Variants in EXOC4 observed in about 807,000 individuals in gnomAD.
EXOC4 encodes SEC8-like 1.
Under a neutral mutation model 107.2 loss-of-function variants are expected in EXOC4, and 71 were observed. The observed-to-expected ratio is 0.66, with a 90% CI of 0.55 to 0.81. The LOEUF is 0.81. Ranked by LOEUF, EXOC4 falls within the 30% of genes least tolerant of loss-of-function variation. The pLI, the probability that EXOC4 is intolerant of heterozygous loss-of-function variation, is 0.00. For synonymous variants in EXOC4, 456 were observed against 441.2 expected (o/e 1.03, Z -0.42); for missense variants, 1,108 against 1,189.6 (o/e 0.93, Z 1.01).
intron 7 of EXOC4, among the ~76,000 whole-genome samples, chr7:133,449,873 T>A (rs888047520): frequency 3.3e-5 from 5 of 152,160 alleles, no homozygotes; most frequent in Non-Finnish European, 5.9e-5. Flanking sequence ...CCATCTATAT[T>A]TGGGAGTATT....
At chr7:133,349,193 A>G (rs576183419) in intron 5 of EXOC4, among the ~76,000 whole-genome samples, 4 of 152,124 alleles carry the variant, frequency 2.6e-5, no homozygotes, top group African/African-American at 4.8e-5. Flanking sequence ...CCATTTTGGA[A>G]TGTACAGTCC....
chr7:133,439,117 G>A (rs981579173), intron 7 of EXOC4, among the ~76,000 whole-genome samples: 3 of 149,648 alleles, frequency 2.0e-5, no homozygotes, highest in Non-Finnish European at 3.0e-5. Flanking sequence ...TTTGAACCTC[G>A]GTTTTGGTTT....
chr7:133,497,572 A>C (rs1235366151), intron 9 of EXOC4, among the ~76,000 whole-genome samples: 1 of 152,066 alleles, frequency 6.6e-6, no homozygotes, highest in Non-Finnish European at 1.5e-5. Flanking sequence ...CTGGGACTGC[A>C]GGTGCCTGCC....
intron 9 of EXOC4, among the ~76,000 whole-genome samples, chr7:133,605,773 C>T (rs776748375): frequency 6.6e-6 from 1 of 152,034 alleles, no homozygotes; most frequent in Non-Finnish European, 1.5e-5. Flanking sequence ...GTTGAGGAGT[C>T]ATTAGCATAT....
At chr7:133,699,175 T>C (rs1794602512) in intron 10 of EXOC4, among the ~76,000 whole-genome samples, 1 of 151,996 alleles carries the variant, frequency 6.6e-6, no homozygotes, top group Non-Finnish European at 1.5e-5. Context: ...CTCTTCTCTC[T>C]GTTTGGAATT....
chr7:133,519,329 G>A (rs1245731820), intron 9 of EXOC4, among the ~76,000 whole-genome samples: 1 of 151,992 alleles, frequency 6.6e-6, no homozygotes, highest in African/African-American at 2.4e-5. Flanking sequence ...TGGCTGAGGT[G>A]GGATAATCGC....
chr7:133,492,133 G>A (rs1799383792), intron 9 of EXOC4, among the ~76,000 whole-genome samples: 1 of 152,168 alleles, frequency 6.6e-6, no homozygotes, highest in Non-Finnish European at 1.5e-5. Flanking sequence ...TCTGATGACT[G>A]TGTGGAGAAT....
chr7:133,304,504 A>G (rs1048767562), intron 3 of EXOC4, among the ~76,000 whole-genome samples: 5 of 152,186 alleles, frequency 3.3e-5, no homozygotes, highest in Non-Finnish European at 7.3e-5. Flanking sequence ...ACTTAAGGAA[A>G]CTTATTTGCT....
chr7:133,468,535 C>G (rs1798789595), intron 7 of EXOC4, among the ~76,000 whole-genome samples: 1 of 152,062 alleles, frequency 6.6e-6, no homozygotes, highest in African/African-American at 2.4e-5. Flanking sequence ...AGTCTCTTGG[C>G]TGTAATGTTT....
At chr7:133,825,253 G>C (rs909835900) in intron 11 of EXOC4, among the ~76,000 whole-genome samples, 6 of 152,072 alleles carry the variant, frequency 3.9e-5, no homozygotes, top group East Asian at 3.9e-4. Context: ...CCAGCTACTC[G>C]GGAGGCTGAG....
At chr7:133,715,271 C>T (rs987124687) in intron 10 of EXOC4, among the ~76,000 whole-genome samples, 1 of 152,186 alleles carries the variant, frequency 6.6e-6, no homozygotes, top group Non-Finnish European at 1.5e-5. Context: ...CTTTAGCCTC[C>T]TGAGTAGCTG....
chr7:133,297,639 T>A (rs1397331990), intron 3 of EXOC4, among the ~76,000 whole-genome samples: 1 of 152,148 alleles, frequency 6.6e-6, no homozygotes, highest in African/African-American at 2.4e-5. Context: ...AGAATAAAAG[T>A]GAAATATAGT....
At chr7:133,644,085 T>C (rs1378414770) in intron 10 of EXOC4, among the ~76,000 whole-genome samples, 1 of 152,192 alleles carries the variant, frequency 6.6e-6, no homozygotes, top group Non-Finnish European at 1.5e-5. Flanking sequence ...AGTCTGAAAA[T>C]TGATTGAGGG....
intron 10 of EXOC4, among the ~76,000 whole-genome samples, chr7:133,731,407 C>CT (rs936048237): frequency 6.6e-6 from 1 of 151,672 alleles, no homozygotes; most frequent in East Asian, 1.9e-4. Context: ...ATATCTTTGG[C>CT]TTTTTTTTAA....
chr7:134,005,582 A>G (rs1033186877), intron 16 of EXOC4, among the ~76,000 whole-genome samples: 2 of 152,196 alleles, frequency 1.3e-5, no homozygotes, highest in African/African-American at 4.8e-5. Flanking sequence ...TCCAAGGGGC[A>G]GGCAAGGAAG....
chr7:133,876,993 C>G (rs1231147022), intron 11 of EXOC4, among the ~76,000 whole-genome samples: 1 of 152,040 alleles, frequency 6.6e-6, no homozygotes, highest in Non-Finnish European at 1.5e-5. Flanking sequence ...TTTCCAGCCA[C>G]TATATCTTTT....
rs35258276 is a variant in EXOC4 at position 133,369,800 on chromosome 7, CTTTTTTT to C, written c.1008-5011_1008-5005del. Among the ~76,000 whole-genome samples, 34 of 86,668 alleles carry C rather than the reference CTTTTTTT, an allele frequency of 3.9e-4. No homozygotes were observed. In the East Asian group the frequency reaches 6.2e-3, roughly 16 times the overall value. The allele number at this position is 86,668 out of a possible 152,430, so 56.9% of individuals were successfully genotyped here. A position where few individuals can be genotyped will look rare whatever the true frequency, so the allele number is the denominator to read the frequency against. ...AGCATCTCTCCTTCTACTAGATTTC[CTTTTTTT>C]TTTTTTTTTTTTTTTTGAGACGGAG... is the stretch of plus-strand genomic sequence containing the variant. On this transcript the variant is annotated intron_variant, in intron 6 of 17. Transcript: ENST00000253861.
At chr7:133,653,959 A>G (rs1163150417) in intron 10 of EXOC4, among the ~76,000 whole-genome samples, 2 of 152,212 alleles carry the variant, frequency 1.3e-5, no homozygotes, top group East Asian at 1.9e-4. Context: ...TCTAACTACA[A>G]TTAAGAAACC....
intron 10 of EXOC4, among the ~76,000 whole-genome samples, chr7:133,669,683 A>C (rs113813258): frequency 6.6e-6 from 1 of 152,192 alleles, no homozygotes; most frequent in Non-Finnish European, 1.5e-5. Context: ...AGTGAAATGC[A>C]TTTGCGTATA....
Sources: allele counts gnomAD v4.1 joint callset (sites outside exome capture counted in the v4.1 genomes callset), GRCh38; gene constraint gnomAD v4.1.1; transcripts MANE v1.5; gene names NCBI Gene and HGNC (gene_info 2026-07-23, HGNC 2026-07-21).